Variants in SETD7 observed in about 807,000 individuals in gnomAD.
SETD7 encodes the protein SET domain containing 7, histone lysine methyltransferase, also known as histone-lysine N-methyltransferase SETD7.
Under a neutral mutation model 41.8 loss-of-function variants are expected in SETD7, and 16 were observed. The ratio of observed to expected loss-of-function variants is 0.38; its 90% confidence interval spans 0.26 to 0.58. The LOEUF (loss-of-function observed/expected upper bound fraction) is 0.58, where lower values mean the gene tolerates loss of function less well. Ranked by LOEUF, SETD7 falls within the 20% of genes least tolerant of loss-of-function variation. The pLI is 0.64. For missense variants in SETD7, 346 were observed against 459.7 expected (o/e 0.75, Z 2.26); for synonymous variants, 163 against 169.7 (o/e 0.96, Z 0.31).
downstream of SETD7, among the ~76,000 whole-genome samples, chr4:139,503,211 T>G (rs1726621795): frequency 6.8e-6 from 1 of 147,706 alleles, no homozygotes; most frequent in Non-Finnish European, 1.5e-5. Context: ...GAAGCTGGTC[T>G]GTGTGTTGCA....
intron 3 of SETD7, 118 bp downstream of exon 3, chr4:139,533,047 C>T (rs1727531895): frequency 1.2e-6 from 1 of 826,604 alleles, no homozygotes; most frequent in Admixed American, 2.0e-5. Flanking sequence ...TTGGTGTCAG[C>T]TGTGGTGACT....
At chr4:139,496,816 C>T (rs2111105403) in intron 7 of SETD7, among the ~76,000 whole-genome samples, 1 of 152,244 alleles carries the variant, frequency 6.6e-6, no homozygotes, top group African/African-American at 2.4e-5. Context: ...AGGTTTCTGG[C>T]TGTGTTCCAC....
intron 1 of SETD7, among the ~76,000 whole-genome samples, chr4:139,553,168 T>C (rs1728159100): frequency 6.6e-6 from 1 of 152,196 alleles, no homozygotes; most frequent in African/African-American, 2.4e-5. Context: ...CAGGGAATTG[T>C]CCACTCTGAG....
intron 2 of SETD7, among the ~76,000 whole-genome samples, chr4:139,540,991 G>T (rs1727763393): frequency 6.6e-6 from 1 of 152,172 alleles, no homozygotes; most frequent in Admixed American, 6.5e-5. Flanking sequence ...ACCTTGCTCA[G>T]GTTATTTGGC....
chr4:139,512,470 C>T (rs1726905710), intron 7 of SETD7, among the ~76,000 whole-genome samples: 1 of 152,210 alleles, frequency 6.6e-6, no homozygotes, highest in African/African-American at 2.4e-5. Flanking sequence ...CCCTGTGAAG[C>T]ATCCTATGAA....
chr4:139,496,196 T>C (rs1334580129), exon 8 of SETD7: 1 of 496,514 alleles, frequency 2.0e-6, no homozygotes, highest in Non-Finnish European at 3.5e-6. Context: ...CTCTGGTGAC[T>C]TTATTTATTG....
intron 3 of SETD7, among the ~76,000 whole-genome samples, chr4:139,530,395 TG>T (rs137869867): frequency 0.15 from 21,497 of 147,862 alleles, 2,116 homozygotes; most frequent in African/African-American, 0.26. Flanking sequence ...GGAAAAGGGA[TG>T]TAAATTTAAA....
chr4:139,525,534 A>C (rs1421828109), intron 4 of SETD7, among the ~76,000 whole-genome samples: 1 of 152,228 alleles, frequency 6.6e-6, no homozygotes, highest in Non-Finnish European at 1.5e-5. Flanking sequence ...TAGCCAAGGA[A>C]AGCAGTTACT....
At chr4:139,502,858 A>T (rs1275719495), downstream of SETD7, among the ~76,000 whole-genome samples, 1 of 152,142 alleles carries the variant, frequency 6.6e-6, no homozygotes, top group Non-Finnish European at 1.5e-5. Context: ...GTTCGGGATC[A>T]GGATAGAAAT....
chr4:139,556,055 G>A, intron 1 of SETD7, 43 bp downstream of exon 1: 1 of 1,559,904 alleles, frequency 6.4e-7, no homozygotes, highest in Middle Eastern at 1.7e-4. Context: ...CGCGCTCCAG[G>A]CCCTCTGCGC....
intron 4 of SETD7, among the ~76,000 whole-genome samples, chr4:139,526,455 G>A (rs972978867): frequency 1.5e-5 from 1 of 68,724 alleles, no homozygotes; most frequent in African/African-American, 5.6e-5. Flanking sequence ...TTTTTTTTTT[G>A]TATTTTTTAG....
intron 2 of SETD7, among the ~76,000 whole-genome samples, chr4:139,536,005 G>A (rs1394226627): frequency 1.3e-5 from 2 of 152,134 alleles, no homozygotes; most frequent in Non-Finnish European, 2.9e-5. Context: ...CCTGCTGACT[G>A]CTTTTGTAAA....
At chr4:139,504,013 G>A (rs1726644874), downstream of SETD7, among the ~76,000 whole-genome samples, 1 of 152,166 alleles carries the variant, frequency 6.6e-6, no homozygotes, top group Admixed American at 6.5e-5. Context: ...AGCCCCTGAA[G>A]GCAAAGCAGA....
chr4:139,514,164 G>A (rs1436531892), intron 7 of SETD7, among the ~76,000 whole-genome samples: 1 of 151,992 alleles, frequency 6.6e-6, no homozygotes, highest in African/African-American at 2.4e-5. Context: ...TGCACCTGTT[G>A]GTACCAGCTA....
At chr4:139,494,062 G>A (rs181321233), downstream of SETD7, among the ~76,000 whole-genome samples, 132 of 152,296 alleles carry the variant, frequency 8.7e-4, no homozygotes, top group Admixed American at 3.3e-3. Context: ...TTTAGGCACA[G>A]GAAGACAAGG....
chr4:139,539,316 T>C (rs1727723365), intron 2 of SETD7, among the ~76,000 whole-genome samples: 1 of 152,186 alleles, frequency 6.6e-6, no homozygotes, highest in South Asian at 2.1e-4. Context: ...ATATACATTA[T>C]TTTAGGAATT....
intron 4 of SETD7, 29 bp from the exon 5 acceptor site, chr4:139,523,464 G>C: frequency 6.6e-7 from 1 of 1,515,290 alleles, no homozygotes; most frequent in Non-Finnish European, 9.2e-7. Flanking sequence ...TACCAGTATA[G>C]GTGCAGAGTT....
At chr4:139,546,808 C>T (rs1019396403) in intron 2 of SETD7, 112 bp downstream of exon 2, 1 of 1,441,614 alleles carries the variant, frequency 6.9e-7, no homozygotes, top group Admixed American at 1.8e-5. Flanking sequence ...GTTAATTTTA[C>T]CCATTGAATA....
At position 139,510,573 on chromosome 4, in the gene SETD7, A is replaced by G. The variant is rs1397709810; in HGVS notation, c.*1090T>C. ...AATTACAATGATGAAGAGTTTTAGCATCAAGGTTTGATTTGTACCTAGTAA... is the reference window on the plus strand; with the variant it reads ...AATTACAATGATGAAGAGTTTTAGCGTCAAGGTTTGATTTGTACCTAGTAA... On this transcript the variant is annotated 3_prime_UTR_variant, in exon 8 of 8. Transcript: ENST00000274031. 6.6e-6 allele frequency: 1 copy of G among 152,224 alleles called. No homozygotes were observed. Among genetic ancestry groups the G allele is most frequent in the African/African-American group, 2.4e-5 (1 of 41,470 alleles). 9.4% of individuals were successfully genotyped at this position (152,224 alleles called of 1,614,324 possible).
Sources: gnomAD v4.1 joint callset for allele counts (sites outside exome capture counted in the v4.1 genomes callset) on GRCh38, gnomAD v4.1.1 for gene constraint, MANE v1.5 for transcripts, NCBI Gene and HGNC (gene_info 2026-07-23, HGNC 2026-07-21) for gene names.